RFC1: variants seen among roughly 807,000 people sequenced by gnomAD.
RFC1 encodes the protein replication factor C subunit 1, also known as A1 140 kDa subunit.
A neutral mutation model predicts 137.4 loss-of-function variants in RFC1; 37 were observed. That is an observed-to-expected ratio of 0.27 (90% confidence interval 0.21 to 0.35). The LOEUF is 0.35. Among genes scored for constraint, RFC1 ranks in the 10% least tolerant of loss-of-function variants. The probability of loss-of-function intolerance (pLI) is 1.00; values close to 1 mark genes in which losing one functional copy is unlikely to be tolerated. For synonymous variants in RFC1, 429 were observed against 455.7 expected, an observed-to-expected ratio of 0.94 and a Z score of 0.75; for missense variants, 1,205 against 1,358.5, an observed-to-expected ratio of 0.89 and a Z score of 1.78.
At chr4:39,291,904 C>A in intron 22 of RFC1, 52 bp from the exon 23 acceptor site, 2 of 1,267,188 alleles carry the variant, frequency 1.6e-6, no homozygotes, top group South Asian at 1.2e-5. Context: ...CAACTCAAGT[C>A]ATACTGTGCA....
intron 3 of RFC1, among the ~76,000 whole-genome samples, chr4:39,344,263 T>A (rs943418273): frequency 6.6e-6 from 1 of 152,202 alleles, no homozygotes; most frequent in Admixed American, 6.5e-5. Context: ...TGCAAAAAAA[T>A]TCATGTTCCC....
chr4:39,363,825 G>A (rs1741877985), intron 1 of RFC1, among the ~76,000 whole-genome samples: 2 of 151,194 alleles, frequency 1.3e-5, no homozygotes, highest in Non-Finnish European at 1.5e-5. Flanking sequence ...CTGGTAGGCA[G>A]AGGTTGCAGT....
Position 39,366,282 on chromosome 4 carries a change from G to A in RFC1, c.-41C>T, listed in dbSNP as rs1228331430. Reference sequence around the variant, plus strand: ...AAGGCGCTGGCTGGCTGGCGGGTGGGCCGGTTGAGGAATCTGTTATCGAGG... The same window carrying A: ...AAGGCGCTGGCTGGCTGGCGGGTGGACCGGTTGAGGAATCTGTTATCGAGG... On this transcript the variant is annotated 5_prime_UTR_variant, in exon 1 of 25. Coordinates refer to ENST00000349703, the MANE Select transcript of RFC1 (RefSeq NM_002913.5). 3.9e-6 allele frequency: 6 copies of A among 1,520,282 alleles called. No homozygotes were observed. Among genetic ancestry groups the A allele is most frequent in the Non-Finnish European group, 4.4e-6 (5 of 1,133,156 alleles). 94.2% of individuals were successfully genotyped at this position (1,520,282 alleles called of 1,614,324 possible). A position where few individuals can be genotyped will look rare whatever the true frequency, so the allele number is the denominator to read the frequency against.
At chr4:39,293,670 G>A (rs573505707) in intron 22 of RFC1, among the ~76,000 whole-genome samples, 2 of 152,066 alleles carry the variant, frequency 1.3e-5, no homozygotes, top group African/African-American at 4.8e-5. Flanking sequence ...TGAGGAGGCC[G>A]CAGTTCCCAC....
intron 2 of RFC1, among the ~76,000 whole-genome samples, chr4:39,348,196 C>T: frequency 6.6e-6 from 1 of 151,790 alleles, no homozygotes; most frequent in Admixed American, 6.6e-5. Context: ...GGGAGACAGG[C>T]CAATCACTTC....
chr4:39,292,101 C>A (rs997782398), intron 22 of RFC1: 4 of 456,922 alleles, frequency 8.8e-6, no homozygotes, highest in African/African-American at 1.9e-5. Context: ...GAAAAACATA[C>A]GTGGATTCTA....
chr4:39,346,430 C>T (rs972749846), intron 2 of RFC1, among the ~76,000 whole-genome samples: 4 of 151,196 alleles, frequency 2.6e-5, no homozygotes, highest in East Asian at 1.9e-4. Context: ...AAGCCAAGAT[C>T]GCGCCATTGC....
chr4:39,323,160 G>A (rs555005444), intron 7 of RFC1, 180 bp downstream of exon 7: 171 of 415,144 alleles, frequency 4.1e-4, no homozygotes, highest in Non-Finnish European at 5.9e-4. Context: ...TTTTGATGCC[G>A]TCACCCTTCT....
intron 1 of RFC1, among the ~76,000 whole-genome samples, chr4:39,355,099 ACACACACACAC>A (rs1741403504): frequency 1.8e-4 from 1 of 5,430 alleles, no homozygotes; most frequent in African/African-American, 4.8e-4. Context: ...AAAAAAAAAT[ACACACACACAC>A]ACACACACAC....
intron 12 of RFC1, among the ~76,000 whole-genome samples, chr4:39,311,074 G>A (rs1258989693): frequency 6.6e-6 from 1 of 152,134 alleles, no homozygotes; most frequent in Non-Finnish European, 1.5e-5. Context: ...CCAGGAGGCA[G>A]AAGTTGCAGT....
chr4:39,299,333 T>C (rs1024632250), intron 21 of RFC1, among the ~76,000 whole-genome samples: 8 of 152,144 alleles, frequency 5.3e-5, no homozygotes, highest in Non-Finnish European at 1.2e-4. Flanking sequence ...ACCCCTGATT[T>C]CCCACTTCAC....
intron 21 of RFC1, chr4:39,297,622 C>A (rs1738087141): frequency 6.6e-6 from 1 of 152,346 alleles, no homozygotes; most frequent in African/African-American, 2.4e-5. Context: ...TGGAACGCTT[C>A]ACGAATTTGC....
At chr4:39,322,939 G>C (rs1739592800) in intron 7 of RFC1, among the ~76,000 whole-genome samples, 1 of 151,814 alleles carries the variant, frequency 6.6e-6, no homozygotes, top group Admixed American at 6.6e-5. Context: ...ACAAAAATTA[G>C]ATGGGTGTGG....
At chr4:39,337,966 C>T (rs762751840) in intron 4 of RFC1, among the ~76,000 whole-genome samples, 1 of 152,138 alleles carries the variant, frequency 6.6e-6, no homozygotes, top group Non-Finnish European at 1.5e-5. Flanking sequence ...ACAGGAAAAA[C>T]CCCCACCATT....
chr4:39,323,286 G>A (rs1739609373), intron 7 of RFC1, 54 bp downstream of exon 7: 1 of 1,379,662 alleles, frequency 7.2e-7, no homozygotes, highest in Non-Finnish European at 1.0e-6. Flanking sequence ...ACGCAAGTAT[G>A]AACACTGATC....
At chr4:39,327,889 T>C in intron 4 of RFC1, 133 bp from the exon 5 acceptor site, 4 of 675,478 alleles carry the variant, frequency 5.9e-6, no homozygotes, top group East Asian at 2.8e-5. Context: ...CCCAGCACTT[T>C]TGGAGACCAA....
chr4:39,313,585 G>A (rs886689605), intron 10 of RFC1, among the ~76,000 whole-genome samples: 8 of 152,154 alleles, frequency 5.3e-5, no homozygotes, highest in African/African-American at 1.7e-4. Flanking sequence ...AGAACAAACT[G>A]CTGCTGGGTT....
At chr4:39,302,416 A>C (rs764425457) in intron 18 of RFC1, 40 bp from the exon 19 acceptor site, 7 of 1,546,850 alleles carry the variant, frequency 4.5e-6, no homozygotes, top group African/African-American at 1.4e-5. Context: ...AGATAGGAAA[A>C]TCCTGTTGCT....
At chr4:39,295,580 G>A (rs2306597) in intron 22 of RFC1, 34 bp downstream of exon 22, 298,497 of 1,542,264 alleles carry the variant, frequency 0.19, 30,292 homozygotes, top group South Asian at 0.22. Context: ...ACACCAAATC[G>A]ATAAAATACC....
Sources: gnomAD v4.1 joint callset for allele counts (sites outside exome capture counted in the v4.1 genomes callset) on GRCh38, gnomAD v4.1.1 for gene constraint, MANE v1.5 for transcripts, NCBI Gene and HGNC (gene_info 2026-07-23, HGNC 2026-07-21) for gene names.